Variants in NEBL observed in about 807,000 individuals in gnomAD.
The protein encoded by NEBL is LIM and SH3 protein 2.
Under a neutral mutation model 140.2 loss-of-function variants are expected in NEBL, and 122 were observed. That is an observed-to-expected ratio of 0.87 (90% confidence interval 0.75 to 1.01). The LOEUF (loss-of-function observed/expected upper bound fraction) is 1.01. NEBL is among the 50% of genes least tolerant of loss of function. NEBL has a pLI of 0.00. For missense variants in NEBL, 1,365 were observed against 1,231.3 expected (o/e 1.11, Z -1.62); for synonymous variants, 436 against 398.9 (o/e 1.09, Z -1.11).
chr10:20,926,934 G>T (rs1833940711), intron 4 of NEBL, among the ~76,000 whole-genome samples: 1 of 152,252 alleles, frequency 6.6e-6, no homozygotes, highest in Non-Finnish European at 1.5e-5. Flanking sequence ...AGAGACAAAG[G>T]CCCCTCTCCT....
chr10:21,126,018 C>G (rs567624047), intron 2 of NEBL: 1 of 1,614,062 alleles, frequency 6.2e-7, no homozygotes, highest in Admixed American at 1.7e-5. Context: ...TGACTCTCCG[C>G]AGCCACCTGG....
intron 4 of NEBL, among the ~76,000 whole-genome samples, chr10:20,913,926 T>C (rs1848431564): frequency 6.6e-6 from 1 of 152,222 alleles, no homozygotes; most frequent in Non-Finnish European, 1.5e-5. Context: ...TCAATACCAA[T>C]ATACATATTT....
intron 2 of NEBL, among the ~76,000 whole-genome samples, chr10:21,037,466 C>T (rs918328832): frequency 1.3e-5 from 2 of 151,838 alleles, no homozygotes; most frequent in African/African-American, 4.8e-5. Flanking sequence ...ATCAGAAATA[C>T]CAAGGAGCCA....
At chr10:20,902,948 T>C (rs939528506) in intron 4 of NEBL, among the ~76,000 whole-genome samples, 1 of 152,178 alleles carries the variant, frequency 6.6e-6, no homozygotes, top group Non-Finnish European at 1.5e-5. Context: ...GAGTGTTCCC[T>C]TCAGGACTAT....
chr10:20,904,928 G>A (rs1023567227), intron 4 of NEBL, among the ~76,000 whole-genome samples: 17 of 152,252 alleles, frequency 1.1e-4, no homozygotes, highest in Admixed American at 2.6e-4. Context: ...CAATTAATTC[G>A]TAACATGTCC....
chr10:20,915,796 G>C (rs1677191829), intron 4 of NEBL, among the ~76,000 whole-genome samples: 1 of 152,076 alleles, frequency 6.6e-6, no homozygotes, highest in Non-Finnish European at 1.5e-5. Context: ...GGGTCAAATG[G>C]TATTTCTAGT....
intron 1 of NEBL, among the ~76,000 whole-genome samples, chr10:21,253,470 C>T (rs1588566195): frequency 1.3e-5 from 2 of 151,436 alleles, no homozygotes; most frequent in Non-Finnish European, 2.9e-5. Flanking sequence ...CTGGGATAAA[C>T]TAGACAACAT....
intron 2 of NEBL, among the ~76,000 whole-genome samples, chr10:21,160,335 C>T (rs748913761): frequency 2.0e-5 from 3 of 152,088 alleles, no homozygotes; most frequent in Non-Finnish European, 4.4e-5. Flanking sequence ...ACACAAGAGG[C>T]GCACAAATAA....
At chr10:20,833,461 A>G (rs915561644) in intron 14 of NEBL, among the ~76,000 whole-genome samples, 5 of 152,214 alleles carry the variant, frequency 3.3e-5, no homozygotes, top group African/African-American at 1.2e-4. Context: ...CATGACTATG[A>G]TTATATGCAA....
chr10:20,912,156 TAAAC>T (rs1848354927), intron 4 of NEBL, among the ~76,000 whole-genome samples: 1 of 152,236 alleles, frequency 6.6e-6, no homozygotes, highest in African/African-American at 2.4e-5. Flanking sequence ...CTTTTAAAAA[TAAAC>T]TAGATAACCA....
At chr10:20,806,907 T>C (rs143892258) in intron 26 of NEBL, among the ~76,000 whole-genome samples, 215 of 152,330 alleles carry the variant, frequency 1.4e-3, no homozygotes, top group African/African-American at 5.1e-3. Context: ...TTAAATAAGG[T>C]TGATCAACAT....
chr10:21,166,092 C>T (rs1366467373), intron 2 of NEBL, among the ~76,000 whole-genome samples: 2 of 151,488 alleles, frequency 1.3e-5, no homozygotes, highest in African/African-American at 4.9e-5. Context: ...TGGTGGCGGG[C>T]GCCTGAAGTC....
intron 1 of NEBL, among the ~76,000 whole-genome samples, chr10:21,284,820 G>A (rs1843035728): frequency 6.6e-6 from 1 of 152,132 alleles, no homozygotes; most frequent in African/African-American, 2.4e-5. Context: ...GGTCTACTGA[G>A]TTTTGCATCA....
chr10:21,106,268 A>G (rs1022795626), intron 2 of NEBL, among the ~76,000 whole-genome samples: 8 of 152,226 alleles, frequency 5.3e-5, no homozygotes, highest in South Asian at 2.1e-4. Flanking sequence ...GCCCATGCCT[A>G]TGTCCTGAAT....
At position 20,840,843 on chromosome 10, in the gene NEBL, A is replaced by T. The variant is rs1349601521; in HGVS notation, c.1234T>A (p.Tyr412Asn). 1 of 1,546,830 alleles carries T rather than the reference A, an allele frequency of 6.5e-7. No individual in the cohort carries two copies. The highest frequency in any genetic ancestry group is 1.4e-5 in the African/African-American group (1 of 73,472). The change falls in exon 13 of 28, where the codon TAT (tyrosine) becomes AAT (asparagine). Residue 412 changes from tyrosine (Y) to asparagine (N), a missense_variant. Physicochemically the swap from Tyr to Asn is moderately radical, Grantham distance 143. This residue lies in a region of NEBL where 1,323 missense variants were observed against 1,154.8 expected (regional missense o/e 1.15). Coordinates refer to ENST00000377122, the MANE Select transcript of NEBL (RefSeq NM_006393.3). ...YITNLLREKEYKKDLENEIKG... is the reference protein window; with the variant it reads ...YITNLLREKENKKDLENEIKG... ...ATCTCATTTTCCAAATCTTTTTTAT[A>T]TTCTTTCTATGAGACAAGAATATCA...
chr10:20,888,771 G>C (rs1299888567), intron 3 of NEBL, among the ~76,000 whole-genome samples: 1 of 152,194 alleles, frequency 6.6e-6, no homozygotes, highest in East Asian at 1.9e-4. Context: ...GAACACAATA[G>C]ATTGCTCACT....
chr10:20,881,893 T>C (rs1166332199), intron 4 of NEBL, among the ~76,000 whole-genome samples: 1 of 152,210 alleles, frequency 6.6e-6, no homozygotes, highest in Non-Finnish European at 1.5e-5. Flanking sequence ...TTGGAATTAC[T>C]TGACATGAGA....
chr10:20,799,450 A>C (rs1015856104), intron 26 of NEBL, among the ~76,000 whole-genome samples: 5 of 152,124 alleles, frequency 3.3e-5, no homozygotes, highest in African/African-American at 9.7e-5. Flanking sequence ...CCGGTTCATC[A>C]CAGACATTTA....
intron 1 of NEBL, among the ~76,000 whole-genome samples, chr10:21,280,407 G>C (rs755002709): frequency 2.0e-5 from 3 of 152,088 alleles, no homozygotes; most frequent in African/African-American, 4.8e-5. Flanking sequence ...GTTGGATTTC[G>C]GGCAAAGAGC....
Sources: allele counts gnomAD v4.1 joint callset (sites outside exome capture counted in the v4.1 genomes callset), GRCh38; gene constraint gnomAD v4.1.1; regional missense constraint gnomAD v4.1.1; transcripts MANE v1.5; gene names NCBI Gene and HGNC (gene_info 2026-07-23, HGNC 2026-07-21).